LCORL: variants seen among roughly 807,000 people sequenced by gnomAD.
LCORL encodes the protein ligand-dependent nuclear receptor corepressor-like protein.
In LCORL, 41 loss-of-function variants were observed where a neutral mutation model predicts 141.8. The observed-to-expected ratio is 0.29, with a 90% CI of 0.23 to 0.38. LCORL has a LOEUF of 0.38. LCORL is among the 10% of genes least tolerant of loss of function. The pLI is 1.00. For synonymous variants in LCORL, 618 were observed against 694.1 expected (o/e 0.89, Z 1.72); for missense variants, 1,759 against 2,035.0 (o/e 0.86, Z 2.61).
At chr4:17,889,199 T>C (rs1728723130) in intron 5 of LCORL, among the ~76,000 whole-genome samples, 2 of 152,124 alleles carry the variant, frequency 1.3e-5, no homozygotes, top group African/African-American at 2.4e-5. Context: ...GAGCTACATA[T>C]AAGCTCTACT....
At chr4:17,866,695 T>C (rs1012714756) in intron 7 of LCORL, among the ~76,000 whole-genome samples, 1 of 152,122 alleles carries the variant, frequency 6.6e-6, no homozygotes, top group Non-Finnish European at 1.5e-5. Context: ...ACCCTTGCCT[T>C]TTTTGTTTGT....
At chr4:17,902,231 A>G (rs1730996846) in intron 5 of LCORL, among the ~76,000 whole-genome samples, 1 of 152,144 alleles carries the variant, frequency 6.6e-6, no homozygotes, top group Non-Finnish European at 1.5e-5. Flanking sequence ...AAAGGGCAAT[A>G]TGAAGCCATT....
chr4:18,020,274 C>T (rs1306917307), intron 1 of LCORL, among the ~76,000 whole-genome samples: 1 of 152,008 alleles, frequency 6.6e-6, no homozygotes, highest in Non-Finnish European at 1.5e-5. Context: ...GTCGGGGGTG[C>T]GAGGTGGTGC....
At chr4:17,907,688 TAAA>T (rs1372017740) in intron 5 of LCORL, among the ~76,000 whole-genome samples, 2 of 152,048 alleles carry the variant, frequency 1.3e-5, no homozygotes, top group Non-Finnish European at 2.9e-5. Context: ...GCAGATATCA[TAAA>T]AATAACACAG....
intron 1 of LCORL, among the ~76,000 whole-genome samples, chr4:18,009,373 T>C (rs1723313927): frequency 6.6e-6 from 1 of 150,732 alleles, no homozygotes. Flanking sequence ...CCAAAATCCC[T>C]ACCCCATGTA....
At chr4:18,016,045 A>T (rs986352524) in intron 1 of LCORL, among the ~76,000 whole-genome samples, 5 of 151,994 alleles carry the variant, frequency 3.3e-5, no homozygotes, top group Non-Finnish European at 7.4e-5. Context: ...AATACAGACC[A>T]TTCAAGCCCT....
At chr4:17,917,239 A>G (rs113223279) in intron 4 of LCORL, among the ~76,000 whole-genome samples, 11,281 of 151,652 alleles carry the variant, frequency 0.074, 949 homozygotes, top group African/African-American at 0.21. Flanking sequence ...TCGTTCTGTC[A>G]CCCAGGCTGG....
At chr4:17,896,486 T>C (rs1729945784) in intron 5 of LCORL, among the ~76,000 whole-genome samples, 1 of 152,184 alleles carries the variant, frequency 6.6e-6, no homozygotes, top group Non-Finnish European at 1.5e-5. Flanking sequence ...GTTTCACTGT[T>C]AGCCAGGCTG....
chr4:17,993,856 C>T (rs1720461982), intron 1 of LCORL, among the ~76,000 whole-genome samples: 1 of 152,072 alleles, frequency 6.6e-6, no homozygotes, highest in Admixed American at 6.6e-5. Flanking sequence ...TGGAAGTTTA[C>T]CTGAGAGAAA....
chr4:18,012,822 A>G (rs1031470950), intron 1 of LCORL, among the ~76,000 whole-genome samples: 1 of 152,204 alleles, frequency 6.6e-6, no homozygotes, highest in African/African-American at 2.4e-5. Context: ...CATGGTTATC[A>G]CTGATACAGA....
At chr4:17,988,805 C>A (rs140616029) in intron 1 of LCORL, among the ~76,000 whole-genome samples, 219 of 152,140 alleles carry the variant, frequency 1.4e-3, no homozygotes, top group African/African-American at 4.9e-3. Context: ...GCCCACATGG[C>A]GAAACCCTAT....
chr4:17,916,845 A>C (rs1405125896), intron 4 of LCORL, among the ~76,000 whole-genome samples: 1 of 151,864 alleles, frequency 6.6e-6, no homozygotes, highest in Non-Finnish European at 1.5e-5. Context: ...GGGTTTTGCC[A>C]TGTTGGCCAG....
chr4:17,977,410 T>C (rs1399670044), intron 1 of LCORL, among the ~76,000 whole-genome samples: 1 of 152,160 alleles, frequency 6.6e-6, no homozygotes, highest in Non-Finnish European at 1.5e-5. Flanking sequence ...CAATCACCAC[T>C]TGGTTAGTTG....
At chr4:17,882,943 A>G in intron 6 of LCORL, 3 of 914,550 alleles carry the variant, frequency 3.3e-6, no homozygotes, top group Non-Finnish European at 3.9e-6. Flanking sequence ...AATTATTTTA[A>G]TAATTAAATT....
At chr4:17,947,221 T>A (rs1255364296) in intron 4 of LCORL, among the ~76,000 whole-genome samples, 2 of 152,010 alleles carry the variant, frequency 1.3e-5, no homozygotes, top group Non-Finnish European at 2.9e-5. Flanking sequence ...AGAAGGAAAT[T>A]CTGTCATTTG....
intron 1 of LCORL, among the ~76,000 whole-genome samples, chr4:18,013,214 C>T (rs1724082119): frequency 6.6e-6 from 1 of 152,154 alleles, no homozygotes; most frequent in Admixed American, 6.5e-5. Flanking sequence ...ACTCTTCAGC[C>T]AGTGACCTTA....
chr4:17,880,383 T>G (rs1727401741), intron 6 of LCORL: 1 of 817,390 alleles, frequency 1.2e-6, no homozygotes, highest in Non-Finnish European at 1.5e-6. Flanking sequence ...TATAAGGTTC[T>G]AAAATTGTAT....
chr4:17,943,816 G>A (rs1738383345), intron 4 of LCORL, among the ~76,000 whole-genome samples: 1 of 152,112 alleles, frequency 6.6e-6, no homozygotes, highest in South Asian at 2.1e-4. Flanking sequence ...GGCGGGGGTA[G>A]GTTAAGGGGT....
At chr4:17,926,344 C>T (rs943251967) in intron 4 of LCORL, among the ~76,000 whole-genome samples, 1 of 152,156 alleles carries the variant, frequency 6.6e-6, no homozygotes, top group Non-Finnish European at 1.5e-5. Context: ...GCCAGCTCGG[C>T]TACGATAAAA....
Sources: allele counts gnomAD v4.1 joint callset (sites outside exome capture counted in the v4.1 genomes callset), GRCh38; gene constraint gnomAD v4.1.1; transcripts MANE v1.5; gene names NCBI Gene and HGNC (gene_info 2026-07-23, HGNC 2026-07-21).